Variants in TRIP12 observed in about 807,000 individuals in gnomAD.
TRIP12 encodes the protein thyroid hormone receptor interactor 12, also known as E3 ubiquitin-protein ligase TRIP12.
A neutral mutation model predicts 244.2 loss-of-function variants in TRIP12; 25 were observed. The ratio of observed to expected loss-of-function variants is 0.10; its 90% CI spans 0.07 to 0.14. The LOEUF is 0.14. TRIP12 is among the 10% of genes least tolerant of loss of function. The probability of loss-of-function intolerance (pLI) is 1.00; values close to 1 mark genes in which losing one functional copy is unlikely to be tolerated. For missense variants in TRIP12, 1,677 were observed against 2,486.4 expected, an observed-to-expected ratio of 0.67 and a Z score of 6.92; for synonymous variants, 905 against 873.1, an observed-to-expected ratio of 1.04 and a Z score of -0.64.
intron 25 of TRIP12, among the ~76,000 whole-genome samples, chr2:229,796,170 T>C (rs1420623164): frequency 6.6e-6 from 1 of 152,232 alleles, no homozygotes; most frequent in Non-Finnish European, 1.5e-5. Flanking sequence ...CGCCCTTGAT[T>C]GGAACTGTTA....
At chr2:229,796,232 T>C (rs1005066821) in intron 25 of TRIP12, among the ~76,000 whole-genome samples, 2 of 152,250 alleles carry the variant, frequency 1.3e-5, no homozygotes, top group Non-Finnish European at 2.9e-5. Context: ...TATCTTATTA[T>C]AGATGTCTGT....
intron 34 of TRIP12, among the ~76,000 whole-genome samples, chr2:229,779,553 T>C (rs1023516891): frequency 2.0e-5 from 3 of 152,198 alleles, no homozygotes; most frequent in African/African-American, 7.2e-5. Flanking sequence ...TGACACACAG[T>C]AGCCATTTAA....
At chr2:229,845,902 C>CTGTA (rs985493438) in intron 4 of TRIP12, among the ~76,000 whole-genome samples, 1 of 151,556 alleles carries the variant, frequency 6.6e-6, no homozygotes, top group Non-Finnish European at 1.5e-5. Flanking sequence ...TGACACAAGC[C>CTGTA]TGTAGTCCCA....
At chr2:229,807,069 C>A (rs1404146903) in intron 17 of TRIP12, among the ~76,000 whole-genome samples, 2 of 152,166 alleles carry the variant, frequency 1.3e-5, no homozygotes, top group African/African-American at 4.8e-5. Flanking sequence ...ATAAAAATCA[C>A]ATAAAACTGT....
chr2:229,908,466 C>T (rs763951689), intron 1 of TRIP12, among the ~76,000 whole-genome samples: 4 of 152,142 alleles, frequency 2.6e-5, no homozygotes, highest in Non-Finnish European at 5.9e-5. Flanking sequence ...GATTTTAGGC[C>T]GGGCGCGGTG....
At position 229,793,850 on chromosome 2, in the gene TRIP12, G is replaced by GTT. The variant is rs34301622; in HGVS notation, c.3969-707_3969-706dup. ...TAAACTTTCTTAAAATACAATGAGTGTTTTTTTTTTTTAAGCTCATCAACT... is the reference window on the plus strand; with the variant it reads ...TAAACTTTCTTAAAATACAATGAGTGTTTTTTTTTTTTTTAAGCTCATCAACT... On this transcript the variant is annotated intron_variant, in intron 26 of 41. Transcript: ENST00000675903. Among the ~76,000 whole-genome samples the GTT allele has an allele frequency of 6.8e-4, 100 of 146,740 alleles. No homozygotes were observed. The South Asian group carries it at 8.2e-3, about 12-fold the overall frequency.
intron 9 of TRIP12, 104 bp downstream of exon 9, chr2:229,818,260 C>T: frequency 1.6e-6 from 2 of 1,263,078 alleles, no homozygotes; most frequent in Non-Finnish European, 2.2e-6. Flanking sequence ...TTAACTCTAT[C>T]ATGTTTTAAA....
chr2:229,796,812 T>G, intron 24 of TRIP12, 30 bp from the exon 25 acceptor site: 1 of 1,527,064 alleles, frequency 6.5e-7, no homozygotes, highest in Non-Finnish European at 8.8e-7. Context: ...TATTTCTATA[T>G]TGATTTAAGC....
At chr2:229,917,777 A>G (rs2075776650) in intron 1 of TRIP12, among the ~76,000 whole-genome samples, 1 of 152,116 alleles carries the variant, frequency 6.6e-6, no homozygotes, top group African/African-American at 2.4e-5. Context: ...ATTAACTTCA[A>G]ATCTCTGGGT....
At position 229,797,844 on chromosome 2, in the gene TRIP12, A is replaced by G. The variant is rs1477857034; in HGVS notation, c.3483-13T>C. 6.2e-7 allele frequency: 1 copy of G among 1,611,544 alleles called. No individual in the cohort carries two copies. Among genetic ancestry groups the G allele is most frequent in the South Asian group, 1.1e-5 (1 of 90,536 alleles). ...TTTAATTTTTTCTCTACAAGAAACAAAAAGGAGATATTAAAGTCCCAGTGT... is the reference window on the plus strand; with the variant it reads ...TTTAATTTTTTCTCTACAAGAAACAGAAAGGAGATATTAAAGTCCCAGTGT... On this transcript the variant is annotated splice_polypyrimidine_tract_variant and intron_variant, in intron 23 of 41. Coordinates refer to ENST00000675903, the MANE Select transcript of TRIP12 (RefSeq NM_001348323.3).
At position 229,792,955 on chromosome 2, in the gene TRIP12, C is replaced by T. The variant is rs1439209282; in HGVS notation, c.4141+18G>A. ...AAATATACATATATAACACACGAAA[C>T]AAATATATGGAAAGTACCTCTAACT... On this transcript the variant is annotated intron_variant, in intron 27 of 41. Transcript: ENST00000675903. 6.2e-7 allele frequency: 1 copy of T among 1,604,138 alleles called. No individual in the cohort carries two copies. The highest frequency in any genetic ancestry group is 1.7e-5 in the Admixed American group (1 of 58,114).
chr2:229,813,161 T>C (rs974743785), intron 13 of TRIP12, among the ~76,000 whole-genome samples: 11 of 152,324 alleles, frequency 7.2e-5, no homozygotes, highest in East Asian at 3.9e-4. Flanking sequence ...GTTTGGGACA[T>C]AGTCTAGTCT....
intron 5 of TRIP12, among the ~76,000 whole-genome samples, chr2:229,839,684 A>G (rs1347239854): frequency 6.6e-6 from 1 of 151,968 alleles, no homozygotes; most frequent in Non-Finnish European, 1.5e-5. Flanking sequence ...ATCTCAAAAA[A>G]AAAAAAAAGA....
intron 4 of TRIP12, among the ~76,000 whole-genome samples, chr2:229,842,782 ACTG>A (rs1037905434): frequency 2.6e-5 from 4 of 152,230 alleles, no homozygotes; most frequent in East Asian, 1.9e-4. Context: ...TGTGGGCTAC[ACTG>A]CTGATTTGAA....
Position 229,828,374 on chromosome 2 carries a change from C to G in TRIP12, c.1450+819G>C, listed in dbSNP as rs1297119785. Among the ~76,000 whole-genome samples the G allele has an allele frequency of 1.1e-4, 17 of 151,464 alleles. No homozygotes were observed. In the East Asian group the frequency reaches 2.9e-3, roughly 26 times the overall value. On this transcript the variant is annotated intron_variant, in intron 8 of 41. Coordinates refer to ENST00000675903, the MANE Select transcript of TRIP12 (RefSeq NM_001348323.3). The stretch of plus-strand genomic sequence containing the variant: ...TTTTTTTTCCTTTCCAGGCTTCTCC[C>G]CAGTGATAAATAAAATCAAATTTCT...
intron 1 of TRIP12, among the ~76,000 whole-genome samples, chr2:229,895,967 C>G (rs2068704848): frequency 6.6e-6 from 1 of 151,998 alleles, no homozygotes; most frequent in Non-Finnish European, 1.5e-5. Flanking sequence ...GCCTGGGCAA[C>G]AGAGTGAGAC....
intron 4 of TRIP12, among the ~76,000 whole-genome samples, chr2:229,848,438 A>C (rs377292852): frequency 2.0e-5 from 3 of 151,956 alleles, no homozygotes; most frequent in Non-Finnish European, 4.4e-5. Context: ...TATAAACAAG[A>C]AAATGAAAAC....
Position 229,770,456 on chromosome 2 carries a change from A to T in TRIP12, c.5808+1063T>A, listed in dbSNP as rs573493758. On this transcript the variant is annotated intron_variant, in intron 39 of 41. Transcript: ENST00000675903. ...TTAAGTAGACACAAATATAACTGAG[A>T]TTAAGACGTTAAGTTAATCAAAAAT... Among the ~76,000 whole-genome samples the T allele has an allele frequency of 4.6e-5, 7 of 152,318 alleles. No homozygotes were observed. The South Asian group carries it at 1.4e-3, about 32-fold the overall frequency.
At chr2:229,900,340 T>C (rs530720203) in intron 1 of TRIP12, among the ~76,000 whole-genome samples, 9 of 152,362 alleles carry the variant, frequency 5.9e-5, no homozygotes, top group Admixed American at 2.0e-4. Context: ...GACACTATCA[T>C]AACCAACAAA....
Sources: gnomAD v4.1 joint callset for allele counts (sites outside exome capture counted in the v4.1 genomes callset) on GRCh38, gnomAD v4.1.1 for gene constraint, MANE v1.5 for transcripts, NCBI Gene and HGNC (gene_info 2026-07-23, HGNC 2026-07-21) for gene names.